ZNF385D: variants seen among roughly 807,000 people sequenced by gnomAD.
The protein encoded by ZNF385D is zinc finger protein 659.
In ZNF385D, 15 loss-of-function variants were observed where a neutral mutation model predicts 35.8. The observed-to-expected ratio is 0.42, with a 90% CI of 0.28 to 0.64. The LOEUF is 0.64. Among genes scored for constraint, ZNF385D ranks in the 30% least tolerant of loss-of-function variants. The probability of loss-of-function intolerance (pLI) is 0.23; values close to 1 mark genes in which losing one functional copy is unlikely to be tolerated. For missense variants in ZNF385D, 474 were observed against 494.6 expected (o/e 0.96, Z 0.39); for synonymous variants, 212 against 186.8 (o/e 1.13, Z -1.10).
chr3:22,212,691 G>T lies in ZNF385D; in HGVS notation c.107-43656C>A, dbSNP rs568006090. Reference sequence around the variant, plus strand: ...TGGGAAAATGTAAAGGCAAATAAAAGCTCATCTTAGGGTTAGGTAAAGCAT... The same window carrying T: ...TGGGAAAATGTAAAGGCAAATAAAATCTCATCTTAGGGTTAGGTAAAGCAT... On this transcript the variant is annotated intron_variant, in intron 2 of 5. Coordinates refer to the ZNF385D transcript ENST00000494108. Among the ~76,000 whole-genome samples, 6 of 152,036 alleles carry T rather than the reference G, an allele frequency of 3.9e-5. No individual in the cohort carries two copies. In the South Asian group the frequency reaches 1.2e-3, roughly 32 times the overall value.
In ZNF385D at chr3:22,127,317, C is replaced by CTTTTTT. The variant is rs71044975; in HGVS notation, c.325+41494_325+41499dup. ...TCTGGTAGTATGTTTTCATTTCCTG[C>CTTTTTT]TTTTTTTTTTTTTTTTTTTTTTTTT... On this transcript the variant is annotated intron_variant, in intron 3 of 5. Transcript: ENST00000494108. Among the ~76,000 whole-genome samples, 25 of 56,330 alleles carry CTTTTTT rather than the reference C, an allele frequency of 4.4e-4. 3 individuals are homozygous for CTTTTTT. Among genetic ancestry groups the CTTTTTT allele is most frequent in the Non-Finnish European group, 6.2e-4 (19 of 30,482 alleles). The allele number at this position is 56,330 out of a possible 152,430, so 37.0% of individuals were successfully genotyped here.
chr3:22,060,227 G>A (rs1026948542), intron 3 of ZNF385D, among the ~76,000 whole-genome samples: 1 of 152,128 alleles, frequency 6.6e-6, no homozygotes, highest in South Asian at 2.1e-4. Context: ...GATCTTGTCA[G>A]CCTTCATAAT....
intron 2 of ZNF385D, among the ~76,000 whole-genome samples, chr3:22,227,351 C>T (rs769252966): frequency 7.9e-5 from 12 of 152,040 alleles, no homozygotes; most frequent in African/African-American, 1.9e-4. Context: ...CAAGGAAGGA[C>T]GTGAATCTGA....
intron 3 of ZNF385D, among the ~76,000 whole-genome samples, chr3:21,767,944 A>G (rs2070903852): frequency 6.6e-6 from 1 of 152,110 alleles, no homozygotes; most frequent in Non-Finnish European, 1.5e-5. Context: ...ATTCTAGCCA[A>G]AAATTAAAAG....
At chr3:22,091,156 G>T (rs1286629170) in intron 3 of ZNF385D, among the ~76,000 whole-genome samples, 1 of 152,146 alleles carries the variant, frequency 6.6e-6, no homozygotes, top group Non-Finnish European at 1.5e-5. Flanking sequence ...TTGTAAAGCT[G>T]CAGGTGGCTC....
chr3:21,960,046 T>G (rs748745327), intron 3 of ZNF385D, among the ~76,000 whole-genome samples: 5 of 137,564 alleles, frequency 3.6e-5, no homozygotes, highest in Non-Finnish European at 6.2e-5. Flanking sequence ...AAAAGACAAA[T>G]GGACTATTTT....
intron 2 of ZNF385D, among the ~76,000 whole-genome samples, chr3:22,269,087 C>G (rs1015529016): frequency 6.6e-6 from 1 of 151,872 alleles, no homozygotes; most frequent in African/African-American, 2.4e-5. Flanking sequence ...AGTAAATAAA[C>G]AAATGAACAA....
chr3:22,151,699 C>A (rs920828384), intron 3 of ZNF385D, among the ~76,000 whole-genome samples: 10 of 151,960 alleles, frequency 6.6e-5, no homozygotes, highest in African/African-American at 1.7e-4. Flanking sequence ...CAAAGTCCAG[C>A]GATGGAAATG....
chr3:21,699,508 A>G (rs1575485447), intron 1 of ZNF385D, among the ~76,000 whole-genome samples: 2 of 152,276 alleles, frequency 1.3e-5, no homozygotes, highest in East Asian at 3.9e-4. Context: ...AATGAAATAA[A>G]GTAATTTAAA....
At chr3:22,290,594 T>A (rs1702251235) in intron 2 of ZNF385D, among the ~76,000 whole-genome samples, 1 of 152,170 alleles carries the variant, frequency 6.6e-6, no homozygotes, top group Non-Finnish European at 1.5e-5. Flanking sequence ...CTCTGGCCTC[T>A]GCCCGCCCCT....
chr3:21,869,991 T>A (rs1170087948), intron 3 of ZNF385D, among the ~76,000 whole-genome samples: 1 of 152,182 alleles, frequency 6.6e-6, no homozygotes, highest in Non-Finnish European at 1.5e-5. Context: ...TATATTTTTA[T>A]ATCCCACTGT....
rs540726442 is a variant in ZNF385D, at chr3:22,036,907, C to T, written c.325+131910G>A. On this transcript the variant is annotated intron_variant, in intron 3 of 5. Coordinates refer to the ZNF385D transcript ENST00000494108. ...GCCCCAGTGTGTGATGTTCCCCTTC[C>T]CGTGTCCATGTGTTCTCATTGTTCA... is the stretch of plus-strand genomic sequence containing the variant. Among the ~76,000 whole-genome samples, 53 of 141,048 alleles carry T rather than the reference C, an allele frequency of 3.8e-4. 1 individual carries two copies. The East Asian group carries it at 0.012, about 31-fold the overall frequency. 92.5% of individuals were successfully genotyped at this position (141,048 alleles called of 152,430 possible). A position where few individuals can be genotyped will look rare whatever the true frequency, so the allele number is the denominator to read the frequency against.
chr3:22,324,484 A>T, intron 2 of ZNF385D, among the ~76,000 whole-genome samples: 1 of 152,264 alleles, frequency 6.6e-6, no homozygotes, highest in East Asian at 1.9e-4. Context: ...AAAAGTATAA[A>T]TAACAGAAAT....
At chr3:21,463,001 C>T (rs183523763) in intron 4 of ZNF385D, among the ~76,000 whole-genome samples, 5 of 151,726 alleles carry the variant, frequency 3.3e-5, no homozygotes, top group Non-Finnish European at 5.9e-5. Context: ...AACAAACAAA[C>T]AAACAAACAA....
At chr3:21,619,599 T>TAG (rs2064946123) in intron 2 of ZNF385D, among the ~76,000 whole-genome samples, 2 of 152,112 alleles carry the variant, frequency 1.3e-5, no homozygotes, top group Non-Finnish European at 2.9e-5. Flanking sequence ...AGCACTATTA[T>TAG]AGAGAGAGAC....
chr3:22,294,183 C>T (rs115957979), intron 2 of ZNF385D, among the ~76,000 whole-genome samples: 1,539 of 152,126 alleles, frequency 0.01, 14 homozygotes, highest in Middle Eastern at 0.024. Context: ...AGAAAAGTGC[C>T]ACTATACTGG....
chr3:21,818,513 A>G (rs2073255934), intron 3 of ZNF385D, among the ~76,000 whole-genome samples: 1 of 152,314 alleles, frequency 6.6e-6, no homozygotes, highest in Admixed American at 6.5e-5. Context: ...TAGTGTGTTA[A>G]TTTTTAAATA....
chr3:21,970,411 G>C (rs1238274665), intron 3 of ZNF385D, among the ~76,000 whole-genome samples: 1 of 152,104 alleles, frequency 6.6e-6, no homozygotes, highest in Non-Finnish European at 1.5e-5. Flanking sequence ...TTGACATACT[G>C]TAAAATGCAT....
intron 2 of ZNF385D, among the ~76,000 whole-genome samples, chr3:22,317,852 G>C (rs145338216): frequency 6.6e-6 from 1 of 152,086 alleles, no homozygotes; most frequent in African/African-American, 2.4e-5. Context: ...CTTGAGGCCA[G>C]GAGTTTGAGA....
Sources: gnomAD v4.1 joint callset for allele counts (sites outside exome capture counted in the v4.1 genomes callset) on GRCh38, gnomAD v4.1.1 for gene constraint, MANE v1.5 for transcripts, NCBI Gene and HGNC (gene_info 2026-07-23, HGNC 2026-07-21) for gene names.